Variants in MAP2 observed in about 807,000 individuals in gnomAD.
The protein encoded by MAP2 is microtubule associated protein 2.
In MAP2, 14 loss-of-function variants were observed where a neutral mutation model predicts 137.6. That is an observed-to-expected ratio of 0.10 (90% CI 0.07 to 0.16). The LOEUF (loss-of-function observed/expected upper bound fraction) is 0.16. Ranked by LOEUF, MAP2 falls within the 10% of genes least tolerant of loss-of-function variation. MAP2 has a pLI of 1.00. For missense variants in MAP2, 2,088 were observed against 2,191.5 expected (o/e 0.95, Z 0.94); for synonymous variants, 786 against 782.3 (o/e 1.00, Z -0.08).
intron 13 of MAP2, among the ~76,000 whole-genome samples, chr2:209,714,393 T>G (rs1440323676): frequency 6.6e-6 from 1 of 152,186 alleles, no homozygotes; most frequent in Non-Finnish European, 1.5e-5. Context: ...ATTATGTGCT[T>G]TTGCTCCATT....
intron 5 of MAP2, among the ~76,000 whole-genome samples, chr2:209,659,511 C>A (rs564172516): frequency 6.6e-6 from 1 of 152,112 alleles, no homozygotes; most frequent in Non-Finnish European, 1.5e-5. Context: ...CAGCAGTTAT[C>A]GATTACAGGC....
At chr2:209,468,389 C>T (rs1450181170) in intron 1 of MAP2, among the ~76,000 whole-genome samples, 2 of 133,660 alleles carry the variant, frequency 1.5e-5, no homozygotes, top group Non-Finnish European at 3.1e-5. Flanking sequence ...GGTGCGATCT[C>T]GCTCACTGCA....
chr2:209,440,852 C>T (rs1697586952), intron 1 of MAP2, among the ~76,000 whole-genome samples: 1 of 151,636 alleles, frequency 6.6e-6, no homozygotes, highest in South Asian at 2.1e-4. Flanking sequence ...GACAATCCCA[C>T]ATCCTTGCCC....
At chr2:209,511,996 C>A (rs1272165263) in intron 2 of MAP2, among the ~76,000 whole-genome samples, 1 of 152,170 alleles carries the variant, frequency 6.6e-6, no homozygotes, top group East Asian at 1.9e-4. Context: ...GTCCTTCCTC[C>A]TAATTCTAAT....
Position 209,641,835 on chromosome 2 carries a change from G to A in MAP2, c.-29-11307G>A, listed in dbSNP as rs182903988. On this transcript the variant is annotated intron_variant, in intron 4 of 15. Transcript: ENST00000682079. Reference sequence around the variant, plus strand: ...ATAGGCTCAGAAATAGTATACAGCTGTGAAGCATAAGTTGTATATCATGGT... The same window carrying A: ...ATAGGCTCAGAAATAGTATACAGCTATGAAGCATAAGTTGTATATCATGGT... 2.0e-5 allele frequency among the ~76,000 whole-genome samples: 3 copies of A among 152,216 alleles called. No homozygotes were observed. The East Asian group carries it at 5.8e-4, about 29-fold the overall frequency.
At chr2:209,659,466 TC>T (rs1241410079) in intron 5 of MAP2, among the ~76,000 whole-genome samples, 1 of 152,176 alleles carries the variant, frequency 6.6e-6, no homozygotes, top group Non-Finnish European at 1.5e-5. Flanking sequence ...GTTTCCACTA[TC>T]CCCATCTGCC....
At chr2:209,529,842 G>A (rs989227081) in intron 2 of MAP2, among the ~76,000 whole-genome samples, 2 of 152,068 alleles carry the variant, frequency 1.3e-5, no homozygotes, top group Admixed American at 6.6e-5. Context: ...CTTGACTGCT[G>A]AAGTCATTTG....
At chr2:209,690,959 G>A in intron 7 of MAP2, 2 of 1,032,750 alleles carry the variant, frequency 1.9e-6, no homozygotes, top group South Asian at 3.2e-5. Flanking sequence ...TGGGTCTTAT[G>A]ATAACAAGTC....
chr2:209,664,962 C>CAAAAAAAAAAAAAAAAAAAAA (rs67286716), intron 5 of MAP2, among the ~76,000 whole-genome samples: 1 of 51,830 alleles, frequency 1.9e-5, no homozygotes, highest in African/African-American at 5.8e-5. Context: ...AACTCCGTCT[C>CAAAAAAAAAAAAAAAAAAAAA]AAAAAAAAAA....
intron 1 of MAP2, among the ~76,000 whole-genome samples, chr2:209,453,049 G>A (rs1700669465): frequency 6.6e-6 from 1 of 151,816 alleles, no homozygotes. Context: ...TTCTGTTTGT[G>A]TTTTCTCCTG....
intron 3 of MAP2, among the ~76,000 whole-genome samples, chr2:209,593,813 ATAT>A (rs1385955885): frequency 2.4e-5 from 2 of 83,006 alleles, no homozygotes; most frequent in South Asian, 3.3e-4. Flanking sequence ...ATATAATATA[ATAT>A]AATACATTAT....
rs759265052 is a variant in MAP2, at chr2:209,673,792, G to C, written c.263-4780G>C. 1.5e-4 allele frequency among the ~76,000 whole-genome samples: 22 copies of C among 151,648 alleles called. 1 individual carries two copies. Among genetic ancestry groups the C allele is most frequent in the Non-Finnish European group, 2.8e-4 (19 of 67,816 alleles). On this transcript the variant is annotated intron_variant, in intron 5 of 15. Transcript: ENST00000682079. Reference sequence around the variant, plus strand: ...TGTTATAACTTTACACCTATGTTTGGAAGAAAAAGCAAGAAAAAGAGAATA... The same window carrying C: ...TGTTATAACTTTACACCTATGTTTGCAAGAAAAAGCAAGAAAAAGAGAATA...
At chr2:209,564,693 GGTT>G (rs2073017454) in intron 2 of MAP2, among the ~76,000 whole-genome samples, 1 of 151,934 alleles carries the variant, frequency 6.6e-6, no homozygotes. Context: ...TTATGGTGGT[GGTT>G]GTTTTGAACC....
intron 12 of MAP2, among the ~76,000 whole-genome samples, chr2:209,707,502 A>G (rs1422257642): frequency 6.6e-6 from 1 of 152,148 alleles, no homozygotes; most frequent in Non-Finnish European, 1.5e-5. Context: ...AAAGATTTGA[A>G]GGAAACAATG....
At chr2:209,438,989 T>C (rs540701345) in intron 1 of MAP2, among the ~76,000 whole-genome samples, 1 of 151,640 alleles carries the variant, frequency 6.6e-6, no homozygotes, top group East Asian at 1.9e-4. Context: ...CATTTTGCTC[T>C]TAAAAATAAC....
At chr2:209,503,863 C>T (rs1358476903) in intron 1 of MAP2, among the ~76,000 whole-genome samples, 1 of 151,978 alleles carries the variant, frequency 6.6e-6, no homozygotes, top group Non-Finnish European at 1.5e-5. Flanking sequence ...GTTCACATAC[C>T]TAAAAGAGTA....
At chr2:209,552,049 TTC>T (rs1458688948) in intron 2 of MAP2, among the ~76,000 whole-genome samples, 1 of 152,210 alleles carries the variant, frequency 6.6e-6, no homozygotes, top group Non-Finnish European at 1.5e-5. Flanking sequence ...AAGAAATTAT[TTC>T]TGTTTTGGAA....
intron 4 of MAP2, among the ~76,000 whole-genome samples, chr2:209,636,411 T>G (rs2153564180): frequency 6.6e-6 from 1 of 152,228 alleles, no homozygotes; most frequent in South Asian, 2.1e-4. Flanking sequence ...TGTGTAAGCC[T>G]TTTTGTTTTG....
chr2:209,457,533 T>G (rs867797504), intron 1 of MAP2, among the ~76,000 whole-genome samples: 1 of 152,290 alleles, frequency 6.6e-6, no homozygotes, highest in East Asian at 1.9e-4. Context: ...GAAAGAATAT[T>G]CAACCGGTGG....
Sources: gnomAD v4.1 joint callset for allele counts (sites outside exome capture counted in the v4.1 genomes callset) on GRCh38, gnomAD v4.1.1 for gene constraint, MANE v1.5 for transcripts, NCBI Gene and HGNC (gene_info 2026-07-23, HGNC 2026-07-21) for gene names.